GGA1: variants seen among roughly 807,000 people sequenced by gnomAD.
The protein encoded by GGA1 is ADP-ribosylation factor-binding protein GGA1.
In GGA1, 18 loss-of-function variants were observed where a neutral mutation model predicts 76.9. The observed-to-expected ratio is 0.23, with a 90% CI of 0.16 to 0.35. The LOEUF (loss-of-function observed/expected upper bound fraction) is 0.35. Ranked by LOEUF, GGA1 falls within the 10% of genes least tolerant of loss-of-function variation. The probability of loss-of-function intolerance (pLI) is 1.00; values close to 1 mark genes in which losing one functional copy is unlikely to be tolerated. For synonymous variants in GGA1, 342 were observed against 354.7 expected (o/e 0.96, Z 0.40); for missense variants, 755 against 859.0 (o/e 0.88, Z 1.51).
In GGA1 at chr22:37,630,004, G is replaced by T; in HGVS notation, c.1165G>T (p.Asp389Tyr). 6.4e-7 allele frequency: 1 copy of T among 1,560,362 alleles called. No individual in the cohort carries two copies. The highest frequency in any genetic ancestry group is 8.7e-7 in the Non-Finnish European group (1 of 1,153,076). ...TGCATCCTTTTCCCCACAGTCGTCG[G>T]ATGCCACTGAGCCCCCAGCCCCTGC... Reference protein sequence around the residue: ...GTGWNSFQSSDATEPPAPALA... With the variant: ...GTGWNSFQSSYATEPPAPALA... Residue 389 changes from aspartate (D) to tyrosine (Y), a missense_variant, in exon 13 of 17, where the codon GAT becomes TAT. Coordinates refer to ENST00000343632, the MANE Select transcript of GGA1 (RefSeq NM_013365.5).
intron 14 of GGA1, among the ~76,000 whole-genome samples, chr22:37,631,640 G>A (rs1840922327): frequency 6.6e-6 from 1 of 152,246 alleles, no homozygotes; most frequent in African/African-American, 2.4e-5. Flanking sequence ...CCTGAGCTCA[G>A]AGAAGGGGAG....
Position 37,625,162 on chromosome 22 carries a change from G to A in GGA1, c.940+86G>A, listed in dbSNP as rs549440617. 5.7e-5 allele frequency: 71 copies of A among 1,242,102 alleles called. No homozygotes were observed. Among genetic ancestry groups the A allele is most frequent in the Middle Eastern group, 2.7e-4 (1 of 3,744 alleles). The allele number at this position is 1,242,102 out of a possible 1,614,324, so 76.9% of individuals were successfully genotyped here. ...CAGGGTGGTGTGCTGGTCTCAGAGC[G>A]GCTGGAATGACTGCCAGGGTGACCC... On this transcript the variant is annotated intron_variant, in intron 10 of 16. Coordinates refer to ENST00000343632, the MANE Select transcript of GGA1 (RefSeq NM_013365.5). This position sits in a 1 kb window ranked among gnomAD's most constrained non-coding sequence, Gnocchi z 4.1.
In GGA1 at chr22:37,632,308, C is replaced by T. The variant is rs1931963331; in HGVS notation, c.1699-97C>T. 3.1e-6 allele frequency: 4 copies of T among 1,307,648 alleles called. No individual in the cohort carries two copies. The South Asian group carries it at 3.7e-5, about 12-fold the overall frequency. 81.0% of individuals were successfully genotyped at this position (1,307,648 alleles called of 1,614,324 possible). A position where few individuals can be genotyped will look rare whatever the true frequency, so the allele number is the denominator to read the frequency against. Reference sequence around the variant, plus strand: ...AGAAGGGACCAGAAGGACTGAGCCCCAGGATCCCCGGAGGGGAGCTGGCAG... The same window carrying T: ...AGAAGGGACCAGAAGGACTGAGCCCTAGGATCCCCGGAGGGGAGCTGGCAG... On this transcript the variant is annotated intron_variant, in intron 15 of 16. Coordinates refer to ENST00000343632, the MANE Select transcript of GGA1 (RefSeq NM_013365.5). The surrounding 1 kb of genome is among the most constrained non-coding windows in gnomAD (Gnocchi z 5.1).
At chr22:37,613,186 G>GTGATGGTAA (rs1928062518) in intron 1 of GGA1, 2 of 983,778 alleles carry the variant, frequency 2.0e-6, no homozygotes, top group Admixed American at 1.2e-4. Context: ...TGAACCTGGT[G>GTGATGGTAA]TGATGGTAAG....
chr22:37,620,497 A>G, intron 5 of GGA1, 136 bp downstream of exon 5: 1 of 922,928 alleles, frequency 1.1e-6, no homozygotes, highest in South Asian at 1.5e-5. Flanking sequence ...GAGAAAGTAC[A>G]TACAGCTAGT....
chr22:37,623,789 G>A lies in GGA1; in HGVS notation c.832+156G>A. On this transcript the variant is annotated intron_variant, in intron 9 of 16. Transcript: ENST00000343632. The surrounding 1 kb of genome is among the most constrained non-coding windows in gnomAD (Gnocchi z 4.6). ...CGACCTTGGGTTTCTCCTCTCTGAG[G>A]ACACAGAGCAGGGGCCGCCCCCCTG... 1.6e-6 allele frequency: 1 copy of A among 613,782 alleles called. No individual in the cohort carries two copies. Among genetic ancestry groups the A allele is most frequent in the Non-Finnish European group, 2.9e-6 (1 of 340,082 alleles). 38.0% of individuals were successfully genotyped at this position (613,782 alleles called of 1,614,324 possible).
At chr22:37,614,068 A>C in intron 1 of GGA1, 122 bp from the exon 2 acceptor site, 1 of 722,502 alleles carries the variant, frequency 1.4e-6, no homozygotes, top group East Asian at 2.6e-5. Flanking sequence ...GCAGGGGGAG[A>C]GCTTTCCCAC....
rs1484807869 is a variant in GGA1 at position 37,632,718 on chromosome 22, G to A, written c.*7G>A. 3 of 1,519,022 alleles carry A rather than the reference G, an allele frequency of 2.0e-6. No homozygotes were observed. Among genetic ancestry groups the A allele is most frequent in the Non-Finnish European group, 2.7e-6 (3 of 1,102,430 alleles). 94.1% of individuals were successfully genotyped at this position (1,519,022 alleles called of 1,614,324 possible). A position where few individuals can be genotyped will look rare whatever the true frequency, so the allele number is the denominator to read the frequency against. ...AACCTGGGGTAGCCTCTAGAACAGAGGGGCTGGGGAGAGGAAGGGGCAGAG... is the reference window on the plus strand; with the variant it reads ...AACCTGGGGTAGCCTCTAGAACAGAAGGGCTGGGGAGAGGAAGGGGCAGAG... On this transcript the variant is annotated 3_prime_UTR_variant, in exon 17 of 17. Coordinates refer to ENST00000343632, the MANE Select transcript of GGA1 (RefSeq NM_013365.5). This position sits in a 1 kb window ranked among gnomAD's most constrained non-coding sequence, Gnocchi z 5.1.
chr22:37,631,576 C>A (rs1318179899), intron 14 of GGA1, among the ~76,000 whole-genome samples: 1 of 152,196 alleles, frequency 6.6e-6, no homozygotes, highest in East Asian at 1.9e-4. Flanking sequence ...AGACACTACC[C>A]CCACAGTGTC....
intron 11 of GGA1, among the ~76,000 whole-genome samples, chr22:37,628,958 G>A (rs1373977211): frequency 6.6e-6 from 1 of 152,222 alleles, no homozygotes; most frequent in African/African-American, 2.4e-5. Flanking sequence ...CCAGGGCCAA[G>A]AGGGCCTTCA....
At chr22:37,629,890 C>G (rs1601557967) in intron 12 of GGA1, 108 bp from the exon 13 acceptor site, 21 of 830,040 alleles carry the variant, frequency 2.5e-5, no homozygotes, top group Admixed American at 2.6e-5. Context: ...TCTGTGGCTG[C>G]TTTCCCAGAT....
intron 3 of GGA1, 184 bp from the exon 4 acceptor site, chr22:37,618,264 T>A: frequency 1.8e-6 from 1 of 569,582 alleles, no homozygotes; most frequent in East Asian, 2.8e-5. Flanking sequence ...CCTGACCCTA[T>A]CTCCCATGGG....
chr22:37,631,398 G>T (rs1046889334), intron 14 of GGA1, among the ~76,000 whole-genome samples: 5 of 152,130 alleles, frequency 3.3e-5, no homozygotes, highest in African/African-American at 1.2e-4. Context: ...GAGAGGTTTG[G>T]GGTCTCCCCC....
Position 37,632,898 on chromosome 22 carries a change from A to G in GGA1, c.*187A>G, listed in dbSNP as rs1186606226. On this transcript the variant is annotated 3_prime_UTR_variant, in exon 17 of 17. Coordinates refer to ENST00000343632, the MANE Select transcript of GGA1 (RefSeq NM_013365.5). The surrounding 1 kb of genome is among the most constrained non-coding windows in gnomAD (Gnocchi z 5.1). ...TCCTGCTCCGGCCCCGCCCCTGCTGAGCCAAACCCAGTAGGAGGCTGGGCC... is the reference window on the plus strand; with the variant it reads ...TCCTGCTCCGGCCCCGCCCCTGCTGGGCCAAACCCAGTAGGAGGCTGGGCC... 1 of 586,688 alleles carries G rather than the reference A, an allele frequency of 1.7e-6. No individual in the cohort carries two copies. The allele number at this position is 586,688 out of a possible 1,614,324, so 36.3% of individuals were successfully genotyped here.
At chr22:37,618,623 C>T (rs571959814) in intron 4 of GGA1, 77 bp downstream of exon 4, 12 of 893,058 alleles carry the variant, frequency 1.3e-5, no homozygotes, top group South Asian at 4.2e-5. Context: ...GATTGTGGAG[C>T]GACTTTTCCA....
chr22:37,617,105 T>A (rs1253793477), intron 3 of GGA1, 108 bp downstream of exon 3: 1 of 1,532,700 alleles, frequency 6.5e-7, no homozygotes, highest in African/African-American at 1.4e-5. Context: ...CCAAGAGAGT[T>A]GTGCTAAGAT....
At chr22:37,615,083 C>T (rs1016981706) in intron 2 of GGA1, among the ~76,000 whole-genome samples, 1 of 151,978 alleles carries the variant, frequency 6.6e-6, no homozygotes, top group African/African-American at 2.4e-5. Context: ...GAGGCCAAGG[C>T]GGGAGGATCC....
chr22:37,617,315 C>A, intron 3 of GGA1: 1 of 1,254,828 alleles, frequency 8.0e-7, no homozygotes, highest in Non-Finnish European at 1.0e-6. Context: ...CAGGGCTCCA[C>A]CCAGACCTGC....
Position 37,615,627 on chromosome 22 carries a change from G to A in GGA1, c.129-1295G>A, listed in dbSNP as rs1216709958. 4.6e-5 allele frequency among the ~76,000 whole-genome samples: 7 copies of A among 150,976 alleles called. No individual in the cohort carries two copies. The East Asian group carries it at 6.0e-4, about 13-fold the overall frequency. On this transcript the variant is annotated intron_variant, in intron 2 of 16. Transcript: ENST00000343632. ...AAAAATGCAAAAATTAGCAAGGAGC[G>A]GTGGTGTGCGCCTGTAGTCCCAGCT...
Sources: gnomAD v4.1 joint callset for allele counts (sites outside exome capture counted in the v4.1 genomes callset) on GRCh38, gnomAD v4.1.1 for gene constraint, Gnocchi (gnomAD v3.1) non-coding constraint, MANE v1.5 for transcripts, NCBI Gene and HGNC (gene_info 2026-07-23, HGNC 2026-07-21) for gene names.